CCSER1: variants seen among roughly 807,000 people sequenced by gnomAD.
CCSER1 encodes serine-rich coiled-coil domain-containing protein 1.
Under a neutral mutation model 82.0 loss-of-function variants are expected in CCSER1, and 41 were observed. The observed-to-expected ratio is 0.50, with a 90% CI of 0.39 to 0.65. The LOEUF is 0.65. CCSER1 is among the 30% of genes least tolerant of loss of function. The pLI is 0.00. For missense variants in CCSER1, 1,119 were observed against 1,064.2 expected (o/e 1.05, Z -0.72); for synonymous variants, 414 against 383.9 (o/e 1.08, Z -0.92).
chr4:90,579,847 T>G (rs944846798), intron 5 of CCSER1, among the ~76,000 whole-genome samples: 1 of 149,034 alleles, frequency 6.7e-6, no homozygotes, highest in Admixed American at 6.6e-5. Flanking sequence ...GGAGAGTAAT[T>G]TCATTCATAG....
intron 1 of CCSER1, among the ~76,000 whole-genome samples, chr4:90,152,828 G>T (rs919404041): frequency 2.6e-5 from 4 of 151,508 alleles, no homozygotes; most frequent in Non-Finnish European, 5.9e-5. Context: ...AGACCAGCAT[G>T]CTCAGAGTTG....
At chr4:91,131,990 G>T (rs1728041241) in intron 10 of CCSER1, among the ~76,000 whole-genome samples, 2 of 151,600 alleles carry the variant, frequency 1.3e-5, no homozygotes, top group African/African-American at 4.8e-5. Flanking sequence ...ATTATATATT[G>T]TTTTAAAGAT....
At chr4:90,376,085 A>G (rs1748261777) in intron 3 of CCSER1, among the ~76,000 whole-genome samples, 1 of 152,142 alleles carries the variant, frequency 6.6e-6, no homozygotes, top group African/African-American at 2.4e-5. Context: ...ACACAGTCAT[A>G]TGCATTATAG....
chr4:90,255,690 T>C (rs1003034983), intron 1 of CCSER1, among the ~76,000 whole-genome samples: 4 of 152,118 alleles, frequency 2.6e-5, no homozygotes, highest in African/African-American at 9.7e-5. Flanking sequence ...ATGCAACATA[T>C]TACATAGAAA....
chr4:90,882,316 A>G (rs1404114370), intron 8 of CCSER1, among the ~76,000 whole-genome samples: 1 of 152,022 alleles, frequency 6.6e-6, no homozygotes, highest in African/African-American at 2.4e-5. Context: ...TCACAAATGA[A>G]TACACACATA....
intron 1 of CCSER1, among the ~76,000 whole-genome samples, chr4:90,224,729 AT>A (rs1438751102): frequency 1.3e-5 from 2 of 152,154 alleles, no homozygotes; most frequent in African/African-American, 4.8e-5. Context: ...CTCAAAACAG[AT>A]TTTTTTGAAT....
intron 10 of CCSER1, among the ~76,000 whole-genome samples, chr4:91,210,160 G>T (rs869821): frequency 0.057 from 8,692 of 151,498 alleles, 491 homozygotes; most frequent in African/African-American, 0.15. Context: ...GCCAAATACG[G>T]AATACATTGT....
intron 10 of CCSER1, among the ~76,000 whole-genome samples, chr4:91,274,100 G>A (rs868827787): frequency 2.6e-5 from 4 of 152,092 alleles, no homozygotes; most frequent in African/African-American, 9.7e-5. Flanking sequence ...GAGCACTTTG[G>A]TAATACACTA....
intron 7 of CCSER1, among the ~76,000 whole-genome samples, chr4:90,763,105 C>A (rs972443707): frequency 6.6e-6 from 1 of 151,974 alleles, no homozygotes; most frequent in Non-Finnish European, 1.5e-5. Flanking sequence ...CAGCTGATTT[C>A]TGTCATCATT....
At chr4:90,985,382 CTT>C (rs1736501275) in intron 9 of CCSER1, among the ~76,000 whole-genome samples, 1 of 150,640 alleles carries the variant, frequency 6.6e-6, no homozygotes, top group East Asian at 2.0e-4. Context: ...AGCGGTTACT[CTT>C]AAATATTTAA....
At chr4:90,242,949 G>C (rs1178643317) in intron 1 of CCSER1, among the ~76,000 whole-genome samples, 1 of 152,002 alleles carries the variant, frequency 6.6e-6, no homozygotes, top group Non-Finnish European at 1.5e-5. Flanking sequence ...ATTAAAAATA[G>C]TGAAACTGCT....
chr4:91,289,584 C>T (rs1743592752), intron 10 of CCSER1, among the ~76,000 whole-genome samples: 1 of 151,942 alleles, frequency 6.6e-6, no homozygotes, highest in South Asian at 2.1e-4. Flanking sequence ...CTGTGATGGT[C>T]TCATCTGTAA....
At chr4:90,849,790 TAAA>T (rs750879193) in intron 8 of CCSER1, among the ~76,000 whole-genome samples, 5 of 76,960 alleles carry the variant, frequency 6.5e-5, no homozygotes, top group African/African-American at 5.2e-5. Flanking sequence ...CTCCATCTCA[TAAA>T]AAAAAAAAAA....
intron 10 of CCSER1, among the ~76,000 whole-genome samples, chr4:91,448,736 A>C (rs1253818540): frequency 6.6e-6 from 1 of 152,118 alleles, no homozygotes; most frequent in Non-Finnish European, 1.5e-5. Context: ...AGATTAATTA[A>C]TCTTGTGTGC....
At chr4:90,177,849 T>C (rs1019306056) in intron 1 of CCSER1, among the ~76,000 whole-genome samples, 1 of 152,104 alleles carries the variant, frequency 6.6e-6, no homozygotes, top group Non-Finnish European at 1.5e-5. Flanking sequence ...TTGGGCCTGC[T>C]TTATTTACAT....
intron 9 of CCSER1, among the ~76,000 whole-genome samples, chr4:91,081,263 T>C (rs1177841983): frequency 6.6e-6 from 1 of 151,972 alleles, no homozygotes; most frequent in Admixed American, 6.6e-5. Flanking sequence ...CATATGCAAA[T>C]CGATAAACGT....
At chr4:91,141,235 C>A (rs575777357) in intron 10 of CCSER1, among the ~76,000 whole-genome samples, 4 of 151,786 alleles carry the variant, frequency 2.6e-5, no homozygotes, top group Admixed American at 2.6e-4. Context: ...CTCACTGCAA[C>A]CTCTACCTCT....
chr4:90,661,314 A>AT (rs1319779497), intron 6 of CCSER1, among the ~76,000 whole-genome samples: 2 of 152,156 alleles, frequency 1.3e-5, no homozygotes, highest in Non-Finnish European at 2.9e-5. Flanking sequence ...TTTATTCGTT[A>AT]TCATAAGAAC....
At chr4:90,813,641 C>T (rs1758630651) in intron 7 of CCSER1, among the ~76,000 whole-genome samples, 1 of 152,170 alleles carries the variant, frequency 6.6e-6, no homozygotes, top group Non-Finnish European at 1.5e-5. Context: ...GCTTCTTCCT[C>T]ATTTTCTCTT....
Sources: allele counts gnomAD v4.1 joint callset (sites outside exome capture counted in the v4.1 genomes callset), GRCh38; gene constraint gnomAD v4.1.1; transcripts MANE v1.5; gene names NCBI Gene and HGNC (gene_info 2026-07-23, HGNC 2026-07-21).